The following FOXN4 variants were observed in gnomAD, a reference collection of about 807,000 sequenced individuals.
FOXN4 encodes the protein forkhead box N4.
A neutral mutation model predicts 45.0 loss-of-function variants in FOXN4; 12 were observed. That is an observed-to-expected ratio of 0.27 (90% CI 0.17 to 0.43). FOXN4 has a LOEUF of 0.43. Ranked by LOEUF, FOXN4 falls within the 20% of genes least tolerant of loss-of-function variation. The pLI is 1.00. For missense variants in FOXN4, 560 were observed against 694.9 expected (o/e 0.81, Z 2.18); for synonymous variants, 297 against 295.0 (o/e 1.01, Z -0.07).
At position 109,281,747 on chromosome 12, in the gene FOXN4, G is replaced by C; in HGVS notation, c.954C>G (p.Gly318=). The change falls in exon 9 of 10, where the codon GGC becomes GGG. Residue 318 remains glycine (G), a synonymous_variant. Transcript: ENST00000299162. ...CGGGGGCCTCTGGTTCCCCCGGTTTGCCGGGGCGCCGGCAGCTTTCAGGCC... is the reference window on the plus strand; with the variant it reads ...CGGGGGCCTCTGGTTCCCCCGGTTTCCCGGGGCGCCGGCAGCTTTCAGGCC... ...SDRPESCRRP[G]KPGEPEAPVL... is the part of the protein sequence containing the mutation. 6.2e-7 allele frequency: 1 copy of C among 1,605,126 alleles called. No homozygotes were observed. The highest frequency in any genetic ancestry group is 1.1e-5 in the South Asian group (1 of 90,686).
chr12:109,306,778 T>C (rs2047925075), intron 2 of FOXN4, among the ~76,000 whole-genome samples: 1 of 152,196 alleles, frequency 6.6e-6, no homozygotes, highest in Non-Finnish European at 1.5e-5. Context: ...AAGCTGAGGC[T>C]CAGAGAGCTC....
intron 8 of FOXN4, among the ~76,000 whole-genome samples, chr12:109,284,282 G>C (rs911088458): frequency 6.6e-6 from 1 of 152,240 alleles, no homozygotes; most frequent in African/African-American, 2.4e-5. Flanking sequence ...TCCTGCCACT[G>C]GATAGGGTTG....
At chr12:109,298,354 T>A (rs2047837889) in intron 2 of FOXN4, among the ~76,000 whole-genome samples, 4 of 151,088 alleles carry the variant, frequency 2.6e-5, no homozygotes, top group Admixed American at 2.0e-4. Context: ...GTTTTTTTTT[T>A]TTGCTTTGTT....
intron 1 of FOXN4, among the ~76,000 whole-genome samples, 153 bp from the exon 2 acceptor site, chr12:109,308,477 C>T (rs1431854730): frequency 6.6e-5 from 10 of 152,004 alleles, no homozygotes; most frequent in Non-Finnish European, 1.5e-5. Flanking sequence ...TAGAGGATTC[C>T]TGGGCATCTC....
At chr12:109,304,448 C>G (rs2047903142) in intron 2 of FOXN4, among the ~76,000 whole-genome samples, 1 of 152,156 alleles carries the variant, frequency 6.6e-6, no homozygotes, top group African/African-American at 2.4e-5. Context: ...TCCTCCCACC[C>G]CCTGAGCTAG....
At position 109,287,923 on chromosome 12, in the gene FOXN4, G is replaced by A; in HGVS notation, c.389C>T (p.Ser130Leu). The A allele has an allele frequency of 6.5e-7, 1 of 1,549,942 alleles. No homozygotes were observed. Among genetic ancestry groups the A allele is most frequent in the South Asian group, 1.2e-5 (1 of 84,034 alleles). ...MSQFPVGGQP[S>L]SGLQDPPHLY... ...ATGCGGCGGGTCCTGCAGGCCAGAT[G>A]AGGGCTGGCCCCCCACGGGGAACTG... Residue 130 changes from serine (S) to leucine (L), a missense_variant, in exon 5 of 10, where the codon TCA becomes TTA. By Grantham distance (145) the Ser-to-Leu change is moderately radical (BLOSUM62 -2). Transcript: ENST00000299162. The surrounding 1 kb of genome is among the most constrained non-coding windows in gnomAD (Gnocchi z 4.1).
intron 8 of FOXN4, among the ~76,000 whole-genome samples, chr12:109,282,182 G>A (rs2047659605): frequency 6.6e-6 from 1 of 152,132 alleles, no homozygotes; most frequent in African/African-American, 2.4e-5. Flanking sequence ...TCAAAGGCTG[G>A]GCTCATGCAA....
chr12:109,280,342 C>CAAAA (rs34879457), intron 9 of FOXN4, among the ~76,000 whole-genome samples: 8 of 53,536 alleles, frequency 1.5e-4, no homozygotes, highest in East Asian at 5.7e-4. Flanking sequence ...GACTCCACCT[C>CAAAA]AAAAAAAAAA....
intron 8 of FOXN4, 135 bp downstream of exon 8, chr12:109,285,169 T>C: frequency 2.9e-6 from 3 of 1,019,324 alleles, no homozygotes; most frequent in Non-Finnish European, 4.4e-6. Flanking sequence ...TATTTGTGTG[T>C]GTGCGCGTGC....
At position 109,287,883 on chromosome 12, in the gene FOXN4, G is replaced by A. The variant is rs7959782; in HGVS notation, c.429C>T (p.Ala143=). Residue 143 remains alanine, a synonymous_variant, in exon 5 of 10, where the codon GCC becomes GCT. Coordinates refer to ENST00000299162, the MANE Select transcript of FOXN4 (RefSeq NM_213596.3). This position sits in a 1 kb window ranked among gnomAD's most constrained non-coding sequence, Gnocchi z 4.1. ...GGGGGAGCGGGAACTGTGGTTGGGT[G>A]GCAGGTGAGTACAGATGCGGCGGGT... ...LQDPPHLYSP[A]TQPQFPLPPG... 86,880 of 1,550,574 alleles carry A rather than the reference G, an allele frequency of 0.056. 2,590 individuals carry two copies. Among genetic ancestry groups the A allele is most frequent in the Middle Eastern group, 0.091 (515 of 5,648 alleles).
In FOXN4 at chr12:109,288,515, A is replaced by G. The variant is rs556019817; in HGVS notation, c.233-335T>C. 2.6e-5 allele frequency among the ~76,000 whole-genome samples: 4 copies of G among 152,364 alleles called. No individual in the cohort carries two copies. In the South Asian group the frequency reaches 6.2e-4, roughly 24 times the overall value. On this transcript the variant is annotated intron_variant, in intron 3 of 9. Transcript: ENST00000299162. This position sits in a 1 kb window ranked among gnomAD's most constrained non-coding sequence, Gnocchi z 4.3. ...ATAATATCTCAATAAACATGAGTCAATAATAAATGATAATTGATTATGTCC... is the reference window on the plus strand; with the variant it reads ...ATAATATCTCAATAAACATGAGTCAGTAATAAATGATAATTGATTATGTCC...
Position 109,288,143 on chromosome 12 carries a change from G to C in FOXN4, c.270C>G (p.Ala90=). ...GGCCATGGAGAAGGGGACTTGGAGT[G>C]GCTCCCACATGCAGGTCGGCCACCC... ...LAGVADLHVG[A]TPSPLLHGPA... The change falls in exon 4 of 10, where the codon GCC becomes GCG. Residue 90 remains alanine, a synonymous_variant. Coordinates refer to ENST00000299162, the MANE Select transcript of FOXN4 (RefSeq NM_213596.3). This position sits in a 1 kb window ranked among gnomAD's most constrained non-coding sequence, Gnocchi z 4.3. 1 of 1,547,568 alleles carries C rather than the reference G, an allele frequency of 6.5e-7. No individual in the cohort carries two copies. Among genetic ancestry groups the C allele is most frequent in the South Asian group, 1.2e-5 (1 of 83,702 alleles).
At chr12:109,283,333 T>G (rs965473824) in intron 8 of FOXN4, among the ~76,000 whole-genome samples, 3 of 152,192 alleles carry the variant, frequency 2.0e-5, no homozygotes, top group African/African-American at 7.2e-5. Context: ...ACAAGCATAT[T>G]TATTCTCATT....
Position 109,290,379 on chromosome 12 carries a change from G to A in FOXN4, c.87-93C>T, listed in dbSNP as rs2047756309. 7.1e-7 allele frequency: 1 copy of A among 1,416,242 alleles called. No individual in the cohort carries two copies. Among genetic ancestry groups the A allele is most frequent in the Admixed American group, 2.8e-5 (1 of 36,094 alleles). The allele number at this position is 1,416,242 out of a possible 1,614,324, so 87.7% of individuals were successfully genotyped here. On this transcript the variant is annotated intron_variant, in intron 2 of 9. Transcript: ENST00000299162. The surrounding 1 kb of genome is among the most constrained non-coding windows in gnomAD (Gnocchi z 5.1). ...ACCTCTGGAAGCACCCGCTTAATGT[G>A]CCTCATCTCCCCAAGCCACGCCAGC...
chr12:109,308,177 GCATA>G (rs1238820706), intron 2 of FOXN4, 55 bp downstream of exon 2: 7 of 1,340,894 alleles, frequency 5.2e-6, no homozygotes, highest in Non-Finnish European at 7.2e-6. Flanking sequence ...ACCATAAACA[GCATA>G]CAAACACTTT....
At position 109,287,917 on chromosome 12, in the gene FOXN4, C is replaced by A. The variant is rs948322122; in HGVS notation, c.395G>T (p.Gly132Val). Residue 132 changes from glycine (G) to valine (V), a missense_variant, in exon 5 of 10, where the codon GGC (glycine) becomes GTC (valine). By Grantham distance (109) the Gly-to-Val change is moderately radical (BLOSUM62 -3). This residue lies in a region of FOXN4 where 142 missense variants were observed against 185.7 expected (regional missense o/e 0.76). Transcript: ENST00000299162. This position sits in a 1 kb window ranked among gnomAD's most constrained non-coding sequence, Gnocchi z 4.1. ...QFPVGGQPSS[G>V]LQDPPHLYSP... ...GTACAGATGCGGCGGGTCCTGCAGG[C>A]CAGATGAGGGCTGGCCCCCCACGGG... is the stretch of plus-strand genomic sequence containing the variant. 6.5e-7 allele frequency: 1 copy of A among 1,549,190 alleles called. No homozygotes were observed. The highest frequency in any genetic ancestry group is 1.4e-5 in the African/African-American group (1 of 73,078).
At chr12:109,307,026 G>A (rs1431045373) in intron 2 of FOXN4, among the ~76,000 whole-genome samples, 1 of 152,202 alleles carries the variant, frequency 6.6e-6, no homozygotes, top group Non-Finnish European at 1.5e-5. Flanking sequence ...GATGGGGGAT[G>A]GCACACAGTA....
At position 109,291,253 on chromosome 12, in the gene FOXN4, C is replaced by G. The variant is rs1400718925; in HGVS notation, c.87-967G>C. 1.3e-5 allele frequency among the ~76,000 whole-genome samples: 2 copies of G among 152,036 alleles called. No individual in the cohort carries two copies. Among genetic ancestry groups the G allele is most frequent in the Non-Finnish European group, 2.9e-5 (2 of 68,002 alleles). On this transcript the variant is annotated intron_variant, in intron 2 of 9. Coordinates refer to ENST00000299162, the MANE Select transcript of FOXN4 (RefSeq NM_213596.3). This position sits in a 1 kb window ranked among gnomAD's most constrained non-coding sequence, Gnocchi z 6.6. ...CCCAGTGCCCTCAAGTCACACTTGC[C>G]ACGCGACTCCGAGAGCATCGGGTCT...
At chr12:109,295,674 T>G (rs556613624) in intron 2 of FOXN4, among the ~76,000 whole-genome samples, 2 of 152,358 alleles carry the variant, frequency 1.3e-5, no homozygotes, top group South Asian at 2.1e-4. Flanking sequence ...TAATCCCAGC[T>G]ACTCGGGAGG....
Sources: allele counts gnomAD v4.1 joint callset (sites outside exome capture counted in the v4.1 genomes callset), GRCh38; gene constraint gnomAD v4.1.1; regional missense constraint gnomAD v4.1.1; non-coding constraint Gnocchi (gnomAD v3.1); transcripts MANE v1.5; gene names NCBI Gene and HGNC (gene_info 2026-07-23, HGNC 2026-07-21).